WDR70: variants seen among roughly 807,000 people sequenced by gnomAD.
WDR70 encodes the protein WD repeat-containing protein 70.
Under a neutral mutation model 88.6 loss-of-function variants are expected in WDR70, and 53 were observed. That is an observed-to-expected ratio of 0.60 (90% CI 0.48 to 0.75). The LOEUF is 0.75. WDR70 is among the 30% of genes least tolerant of loss of function. The pLI, the probability that WDR70 is intolerant of heterozygous loss-of-function variation, is 0.00. For missense variants in WDR70, 610 were observed against 823.2 expected, an observed-to-expected ratio of 0.74 and a Z score of 3.17; for synonymous variants, 280 against 270.0, an observed-to-expected ratio of 1.04 and a Z score of -0.36.
chr5:37,648,849 T>A (rs2048950), intron 10 of WDR70, among the ~76,000 whole-genome samples: 5,469 of 152,330 alleles, frequency 0.036, 164 homozygotes, highest in South Asian at 0.11. Context: ...TACCATTTTT[T>A]TACTTTCGTC....
At chr5:37,423,398 A>G (rs1050072667) in intron 5 of WDR70, among the ~76,000 whole-genome samples, 2 of 151,430 alleles carry the variant, frequency 1.3e-5, no homozygotes, top group Non-Finnish European at 2.9e-5. Context: ...AAACAAGGGA[A>G]GAAAAAGGAA....
At chr5:37,678,851 C>T (rs1272292405) in intron 10 of WDR70, among the ~76,000 whole-genome samples, 6 of 152,160 alleles carry the variant, frequency 3.9e-5, no homozygotes, top group Non-Finnish European at 7.4e-5. Flanking sequence ...CCATTCTCCC[C>T]GTCACTTTCA....
intron 10 of WDR70, among the ~76,000 whole-genome samples, chr5:37,624,739 G>A (rs1277435971): frequency 6.6e-6 from 1 of 152,166 alleles, no homozygotes; most frequent in Non-Finnish European, 1.5e-5. Context: ...AACAAAGTAT[G>A]GACAGTCATG....
rs764348755 is a variant in WDR70 at position 37,724,919 on chromosome 5, T to C, written c.1598-15T>C. 1.2e-6 allele frequency: 2 copies of C among 1,611,010 alleles called. No individual in the cohort carries two copies. Among genetic ancestry groups the C allele is most frequent in the East Asian group, 2.2e-5 (1 of 44,852 alleles). On this transcript the variant is annotated splice_polypyrimidine_tract_variant and intron_variant, in intron 15 of 17. Transcript: ENST00000265107. ...TATTGTTATAATGAAATTTTTCAAA[T>C]GTGACTTCTTGTAGCTCATGCCTTG...
At chr5:37,427,320 C>T (rs553616307) in intron 5 of WDR70, among the ~76,000 whole-genome samples, 26 of 151,546 alleles carry the variant, frequency 1.7e-4, no homozygotes, top group Non-Finnish European at 2.5e-4. Flanking sequence ...ACCCGGGAGG[C>T]GGAGCTTGCA....
At chr5:37,440,244 A>T (rs951503398) in intron 6 of WDR70, among the ~76,000 whole-genome samples, 1 of 152,242 alleles carries the variant, frequency 6.6e-6, no homozygotes, top group Non-Finnish European at 1.5e-5. Flanking sequence ...GAATGTGATG[A>T]TAAAGTCTAA....
chr5:37,686,083 C>T (rs554399341), intron 10 of WDR70, among the ~76,000 whole-genome samples: 32 of 152,274 alleles, frequency 2.1e-4, no homozygotes, highest in South Asian at 1.0e-3. Context: ...GCGGGAAGAT[C>T]GCTTGAGCCC....
intron 5 of WDR70, among the ~76,000 whole-genome samples, chr5:37,425,522 G>T (rs990712237): frequency 3.9e-5 from 6 of 152,188 alleles, no homozygotes; most frequent in Non-Finnish European, 8.8e-5. Context: ...AATGTGCCTG[G>T]CACGTTCATG....
intron 8 of WDR70, among the ~76,000 whole-genome samples, chr5:37,513,784 C>T (rs941582811): frequency 2.0e-5 from 3 of 152,042 alleles, no homozygotes; most frequent in Non-Finnish European, 4.4e-5. Context: ...ATATTCTAGC[C>T]GAGCTGGCAG....
intron 10 of WDR70, among the ~76,000 whole-genome samples, chr5:37,664,697 G>A (rs2112581845): frequency 6.6e-6 from 1 of 152,206 alleles, no homozygotes; most frequent in East Asian, 1.9e-4. Flanking sequence ...TCCCTTTCTA[G>A]ACAGATCTCA....
intron 10 of WDR70, among the ~76,000 whole-genome samples, chr5:37,665,108 A>T (rs181527813): frequency 6.6e-6 from 1 of 152,300 alleles, no homozygotes; most frequent in Admixed American, 6.5e-5. Context: ...GAGATGTATG[A>T]TCCTTTTTCT....
At chr5:37,590,813 A>G (rs1030804419) in intron 9 of WDR70, among the ~76,000 whole-genome samples, 2 of 152,144 alleles carry the variant, frequency 1.3e-5, no homozygotes, top group Admixed American at 1.3e-4. Flanking sequence ...ACTTCTGGAA[A>G]AACATAAGGG....
intron 9 of WDR70, among the ~76,000 whole-genome samples, chr5:37,597,893 T>A (rs1327233140): frequency 2.6e-5 from 4 of 152,242 alleles, no homozygotes; most frequent in Non-Finnish European, 4.4e-5. Flanking sequence ...GGGATTGTAT[T>A]TAAGAAATCT....
chr5:37,641,411 C>CTTTT (rs70978833), intron 10 of WDR70, among the ~76,000 whole-genome samples: 10 of 80,350 alleles, frequency 1.2e-4, no homozygotes, highest in Admixed American at 1.7e-4. Context: ...TGTCCACATC[C>CTTTT]TTTTTTTTTT....
At chr5:37,598,857 A>G (rs912015288) in intron 9 of WDR70, among the ~76,000 whole-genome samples, 16 of 152,246 alleles carry the variant, frequency 1.1e-4, no homozygotes, top group African/African-American at 3.1e-4. Context: ...CTTTCTGGAC[A>G]CACAATGAAA....
chr5:37,595,916 C>T (rs1743687727), intron 9 of WDR70, among the ~76,000 whole-genome samples: 1 of 152,102 alleles, frequency 6.6e-6, no homozygotes, highest in Non-Finnish European at 1.5e-5. Flanking sequence ...GAGGTCTAAT[C>T]TATATACAGT....
At chr5:37,750,642 C>T (rs527632563) in intron 17 of WDR70, among the ~76,000 whole-genome samples, 1 of 152,088 alleles carries the variant, frequency 6.6e-6, no homozygotes, top group African/African-American at 2.4e-5. Flanking sequence ...AGTAATTTCC[C>T]ATGCTGTTGT....
At chr5:37,696,679 G>A (rs778774950) in intron 10 of WDR70, among the ~76,000 whole-genome samples, 13 of 86,256 alleles carry the variant, frequency 1.5e-4, no homozygotes, top group South Asian at 4.4e-4. Flanking sequence ...ACACACGCGC[G>A]TGCACACACA....
chr5:37,657,930 C>G (rs1469273238), intron 10 of WDR70, among the ~76,000 whole-genome samples: 1 of 152,170 alleles, frequency 6.6e-6, no homozygotes, highest in Non-Finnish European at 1.5e-5. Context: ...AAATTAACCT[C>G]TAGTAACCTA....
Sources: allele counts gnomAD v4.1 joint callset (sites outside exome capture counted in the v4.1 genomes callset), GRCh38; gene constraint gnomAD v4.1.1; transcripts MANE v1.5; gene names NCBI Gene and HGNC (gene_info 2026-07-23, HGNC 2026-07-21).